Variants in HAS3 observed in about 807,000 individuals in gnomAD.
The protein encoded by HAS3 is HA synthase 3.
In HAS3, 27 loss-of-function variants were observed where a neutral mutation model predicts 50.3. The observed-to-expected ratio is 0.54, with a 90% CI of 0.40 to 0.74. The LOEUF is 0.74. HAS3 is among the 30% of genes least tolerant of loss of function. The pLI, the probability that HAS3 is intolerant of heterozygous loss-of-function variation, is 0.00. For missense variants in HAS3, 517 were observed against 742.8 expected (o/e 0.70, Z 3.53); for synonymous variants, 339 against 310.9 (o/e 1.09, Z -0.95).
At chr16:69,088,424 G>T in the HAS3 span, among the ~76,000 whole-genome samples, 1 of 151,936 alleles carries the variant, frequency 6.6e-6, no homozygotes, top group African/African-American at 2.4e-5. Flanking sequence ...GGCAGGTGTG[G>T]TTGGGCGCGC....
At chr16:69,083,689 A>C in the HAS3 span, 1 of 1,543,746 alleles carries the variant, frequency 6.5e-7, no homozygotes, top group Non-Finnish European at 8.8e-7. Context: ...TGGAGGAGGC[A>C]GGCAGGGCCA....
chr16:69,107,215 A>C lies in HAS3; in HGVS notation c.-1+1428A>C. 2.1e-6 allele frequency: 1 copy of C among 468,754 alleles called. No homozygotes were observed. Among genetic ancestry groups the C allele is most frequent in the Non-Finnish European group, 2.7e-6 (1 of 364,846 alleles). The allele number at this position is 468,754 out of a possible 1,614,324, so 29.0% of individuals were successfully genotyped here. On this transcript the variant is annotated intron_variant, in intron 1 of 3. Transcript: ENST00000569188. The surrounding 1 kb of genome is among the most constrained non-coding windows in gnomAD (Gnocchi z 5.5). ...CGACCACAGCCTGCACCAGCGCCTG[A>C]TTGCACGTGGGGTATCTGGCTGAGG...
chr16:69,116,418 G>T lies in HAS3; in HGVS notation c.*1152G>T. The T allele has an allele frequency of 1.0e-6, 1 of 985,868 alleles. No homozygotes were observed. The highest frequency in any genetic ancestry group is 1.2e-6 in the Non-Finnish European group (1 of 829,886). 61.1% of individuals were successfully genotyped at this position (985,868 alleles called of 1,614,324 possible). A position where few individuals can be genotyped will look rare whatever the true frequency, so the allele number is the denominator to read the frequency against. On this transcript the variant is annotated 3_prime_UTR_variant, in exon 4 of 4. Coordinates refer to ENST00000569188, the MANE Select transcript of HAS3 (RefSeq NM_001199280.2). ...CTTGGACGGATTCCTTGGCAGCCGG[G>T]TTAGCATGTGTGACTTTCAGGCTAC...
chr16:69,118,428 C>T, downstream of HAS3: 1 of 1,612,634 alleles, frequency 6.2e-7, no homozygotes, highest in Non-Finnish European at 8.5e-7. Flanking sequence ...GAAGCATGGT[C>T]CGTTCACCAA....
rs1313002505 is a variant in HAS3, at chr16:69,117,303, T to G, written c.*2037T>G. 3.1e-5 allele frequency: 31 copies of G among 985,848 alleles called. No individual in the cohort carries two copies. Among genetic ancestry groups the G allele is most frequent in the Non-Finnish European group, 3.7e-5 (31 of 829,920 alleles). 61.1% of individuals were successfully genotyped at this position (985,848 alleles called of 1,614,324 possible). A position where few individuals can be genotyped will look rare whatever the true frequency, so the allele number is the denominator to read the frequency against. ...CTCTCCTGGCTGTCCTACCATCAGC[T>G]CTGCCTTGCACTGTGGTCGTCAACT... On this transcript the variant is annotated 3_prime_UTR_variant, in exon 4 of 4. Transcript: ENST00000569188.
At position 69,115,933 on chromosome 16, in the gene HAS3, A is replaced by T. The variant is rs962983623; in HGVS notation, c.*667A>T. ...TTTAAAAGTGCACATTAAAAAGGAA[A>T]GTTTGCCAGGAGGAACAAAGAGATT... On this transcript the variant is annotated 3_prime_UTR_variant, in exon 4 of 4. Transcript: ENST00000569188. 1 of 985,746 alleles carries T rather than the reference A, an allele frequency of 1.0e-6. No homozygotes were observed. The highest frequency in any genetic ancestry group is 1.7e-5 in the African/African-American group (1 of 57,236). The allele number at this position is 985,746 out of a possible 1,614,324, so 61.1% of individuals were successfully genotyped here.
At chr16:69,104,187 C>A (rs1447370052), upstream of HAS3, among the ~76,000 whole-genome samples, 3 of 151,448 alleles carry the variant, frequency 2.0e-5, no homozygotes, top group African/African-American at 7.3e-5. Context: ...ACCTCCTGGG[C>A]TCAAGCAATT....
Position 69,115,064 on chromosome 16 carries a change from G to A in HAS3, c.1460G>A (p.Trp487Ter). The change falls in exon 4 of 4, where the codon TGG (tryptophan) becomes TAG (stop). Residue 487 changes from tryptophan to a stop codon, truncating the protein, a stop_gained. Transcript: ENST00000569188. LOFTEE classifies it high-confidence loss of function. ...NFIGLIPVSIWVAVLLGGLAY... is the reference protein window; with the variant it reads ...NFIGLIPVSI ...ATTGGCCTCATTCCTGTGTCCATCT[G>A]GGTGGCAGTTCTCCTGGGAGGGCTG... 6.2e-7 allele frequency: 1 copy of A among 1,614,002 alleles called. No homozygotes were observed. Among genetic ancestry groups the A allele is most frequent in the Non-Finnish European group, 8.5e-7 (1 of 1,179,922 alleles).
chr16:69,100,067 C>A, the HAS3 span, among the ~76,000 whole-genome samples: 1 of 152,156 alleles, frequency 6.6e-6, no homozygotes, highest in African/African-American at 2.4e-5. Context: ...ACGATTCTTC[C>A]ATCAAAGGAG....
At chr16:69,118,279 C>CCCTG, downstream of HAS3, 1 of 919,308 alleles carries the variant, frequency 1.1e-6, no homozygotes, top group Non-Finnish European at 1.8e-6. Context: ...GCTGCAGGCC[C>CCCTG]AGTCAGTCAA....
chr16:69,097,849 C>A, the HAS3 span, among the ~76,000 whole-genome samples: 2 of 152,112 alleles, frequency 1.3e-5, no homozygotes, highest in Non-Finnish European at 2.9e-5. Context: ...TTTTATAATT[C>A]CCTCAAAGGT....
At chr16:69,098,768 C>T in the HAS3 span, among the ~76,000 whole-genome samples, 6 of 148,098 alleles carry the variant, frequency 4.1e-5, no homozygotes, top group East Asian at 5.9e-4. Flanking sequence ...CAGGTTCAAG[C>T]GATTCTCCTG....
intron 2 of HAS3, 104 bp downstream of exon 2, chr16:69,110,135 T>G (rs1960951292): frequency 8.7e-7 from 1 of 1,149,328 alleles, no homozygotes; most frequent in African/African-American, 1.5e-5. Context: ...CCTTGGGTTG[T>G]GCACACACCT....
At position 69,115,753 on chromosome 16, in the gene HAS3, T is replaced by A; in HGVS notation, c.*487T>A. On this transcript the variant is annotated 3_prime_UTR_variant, in exon 4 of 4. Coordinates refer to ENST00000569188, the MANE Select transcript of HAS3 (RefSeq NM_001199280.2). ...CACCCCACCCCTAAGTAGTCATCAATGCAATAAGATTGCGCCTGAGATACA... is the reference window on the plus strand; with the variant it reads ...CACCCCACCCCTAAGTAGTCATCAAAGCAATAAGATTGCGCCTGAGATACA... The A allele has an allele frequency of 1.0e-6, 1 of 986,670 alleles. No individual in the cohort carries two copies. 61.1% of individuals were successfully genotyped at this position (986,670 alleles called of 1,614,324 possible).
chr16:69,108,887 A>G (rs559629920), intron 1 of HAS3, among the ~76,000 whole-genome samples: 1 of 152,232 alleles, frequency 6.6e-6, no homozygotes, highest in African/African-American at 2.4e-5. Context: ...TGGTGGCTGC[A>G]CTTTACTGGT....
chr16:69,101,109 A>G (rs936601317), upstream of HAS3, among the ~76,000 whole-genome samples: 1 of 152,066 alleles, frequency 6.6e-6, no homozygotes. Context: ...AGTACTTGCA[A>G]TCTACTCCTA....
Position 69,114,242 on chromosome 16 carries a change from C to G in HAS3, c.739-101C>G. The G allele has an allele frequency of 6.0e-6, 9 of 1,493,840 alleles. No homozygotes were observed. Among genetic ancestry groups the G allele is most frequent in the Non-Finnish European group, 8.0e-6 (9 of 1,127,728 alleles). 92.5% of individuals were successfully genotyped at this position (1,493,840 alleles called of 1,614,324 possible). A position where few individuals can be genotyped will look rare whatever the true frequency, so the allele number is the denominator to read the frequency against. ...AGGAACCGATGGCCAGGAATCTAAG[C>G]AGCGGGCCACAGAAGCCATGGTAAG... On this transcript the variant is annotated intron_variant, in intron 3 of 3. Transcript: ENST00000569188. This position sits in a 1 kb window ranked among gnomAD's most constrained non-coding sequence, Gnocchi z 6.4.
At chr16:69,105,627 C>A (rs1407941277), upstream of HAS3, 2 of 152,292 alleles carry the variant, frequency 1.3e-5, no homozygotes, top group East Asian at 3.8e-4. Flanking sequence ...TTAACACCTT[C>A]TTTGACCAGC....
chr16:69,099,506 T>A, the HAS3 span, among the ~76,000 whole-genome samples: 1 of 151,552 alleles, frequency 6.6e-6, no homozygotes, highest in South Asian at 2.1e-4. Context: ...TTTTGTATTT[T>A]TAGTAGAGGT....
Sources: allele counts gnomAD v4.1 joint callset (sites outside exome capture counted in the v4.1 genomes callset), GRCh38; gene constraint gnomAD v4.1.1; non-coding constraint Gnocchi (gnomAD v3.1); transcripts MANE v1.5; gene names NCBI Gene and HGNC (gene_info 2026-07-23, HGNC 2026-07-21).